Variants in DNAJC5G observed in about 807,000 individuals in gnomAD.
DNAJC5G encodes DnaJ heat shock protein family (Hsp40) member C5 gamma.
In DNAJC5G, 13 loss-of-function variants were observed where a neutral mutation model predicts 19.1. The ratio of observed to expected loss-of-function variants is 0.68; its 90% CI spans 0.44 to 1.08. DNAJC5G has a LOEUF of 1.08. Ranked by LOEUF, DNAJC5G falls within the 50% of genes least tolerant of loss-of-function variation. DNAJC5G has a pLI of 0.00. For missense variants in DNAJC5G, 245 were observed against 230.4 expected (o/e 1.06, Z -0.41); for synonymous variants, 81 against 84.4 (o/e 0.96, Z 0.22).
rs1572510936 is a variant in DNAJC5G at position 27,280,411 on chromosome 2, A to C, written c.*19-18A>C. 1 of 577,220 alleles carries C rather than the reference A, an allele frequency of 1.7e-6. No individual in the cohort carries two copies. The highest frequency in any genetic ancestry group is 3.0e-5 in the East Asian group (1 of 33,044). The allele number at this position is 577,220 out of a possible 1,614,324, so 35.8% of individuals were successfully genotyped here. A position where few individuals can be genotyped will look rare whatever the true frequency, so the allele number is the denominator to read the frequency against. ...TATTCCTTCTGATTAATAAAGCGCC[A>C]CCTTCTTCCGCCACTAGGTGCTGAC... On this transcript the variant is annotated intron_variant, in intron 6 of 6. Coordinates refer to ENST00000296097, the MANE Select transcript of DNAJC5G (RefSeq NM_173650.3).
Position 27,280,709 on chromosome 2 carries a change from G to A in DNAJC5G, c.*299G>A, listed in dbSNP as rs1182832540. 1 of 153,632 alleles carries A rather than the reference G, an allele frequency of 6.5e-6. No individual in the cohort carries two copies. Among genetic ancestry groups the A allele is most frequent in the African/African-American group, 2.4e-5 (1 of 41,372 alleles). The allele number at this position is 153,632 out of a possible 1,614,324, so 9.5% of individuals were successfully genotyped here. The stretch of plus-strand genomic sequence containing the variant: ...AGCCCTCCCCTCCCTCCCCTTATGA[G>A]GTCTCAGGCAGTGGTGGCAGATTTT... On this transcript the variant is annotated 3_prime_UTR_variant, in exon 7 of 7. Coordinates refer to ENST00000296097, the MANE Select transcript of DNAJC5G (RefSeq NM_173650.3).
chr2:27,279,004 C>CAAA (rs1227842823), intron 5 of DNAJC5G, among the ~76,000 whole-genome samples: 8 of 56,820 alleles, frequency 1.4e-4, no homozygotes, highest in Non-Finnish European at 8.2e-5. Flanking sequence ...GACTCCATCT[C>CAAA]AAAAAAAAAA....
Position 27,277,763 on chromosome 2 carries a change from A to T in DNAJC5G, c.123A>T (p.Ala41=), listed in dbSNP as rs762955360. ...AAGTCTCCTTCCCCAGCCATTCCGC[A>T]TTGCTTCCCCACCCTCCTTTTGAGT... is the stretch of plus-strand genomic sequence containing the variant. The part of the protein sequence containing the change: ...EDFKKSYSHS[A]LLPHPPFEYH... The change falls in exon 4 of 7, where the codon GCA becomes GCT. Residue 41 remains alanine, a synonymous_variant. Coordinates refer to ENST00000296097, the MANE Select transcript of DNAJC5G (RefSeq NM_173650.3). The T allele has an allele frequency of 4.1e-5, 66 of 1,613,908 alleles. No individual in the cohort carries two copies. In the South Asian group the frequency reaches 7.0e-4, roughly 17 times the overall value.
Position 27,280,133 on chromosome 2 carries a change from G to A in DNAJC5G, c.521-33G>A, listed in dbSNP as rs373014204. On this transcript the variant is annotated intron_variant, in intron 5 of 6. Coordinates refer to ENST00000296097, the MANE Select transcript of DNAJC5G (RefSeq NM_173650.3). ...CACTACGAAAAGTTACTAAACGTTT[G>A]TATATGTAAACATATATATAATTCC... is the stretch of plus-strand genomic sequence containing the variant. 4.7e-4 allele frequency: 751 copies of A among 1,595,776 alleles called. 3 individuals carry two copies. The Middle Eastern group carries it at 6.4e-3, about 14-fold the overall frequency.
intron 3 of DNAJC5G, 30 bp from the exon 4 acceptor site, chr2:27,277,724 A>AT (rs1558575479): frequency 6.2e-7 from 1 of 1,612,900 alleles, no homozygotes; most frequent in East Asian, 2.2e-5. Flanking sequence ...AGACTAATCC[A>AT]TGTCATTCAT....
chr2:27,275,866 A>ACCCCCCCCCCCCCCCCCC (rs1572502161), intron 1 of DNAJC5G: 1 of 93,184 alleles, frequency 1.1e-5, no homozygotes, highest in Non-Finnish European at 2.3e-5. Context: ...AGCACTCCCC[A>ACCCCCCCCCCCCCCCCCC]CCCCCGCCCC....
At chr2:27,278,641 G>A (rs1183857747) in intron 5 of DNAJC5G, among the ~76,000 whole-genome samples, 5 of 132,034 alleles carry the variant, frequency 3.8e-5, no homozygotes, top group African/African-American at 5.9e-5. Context: ...CTGAGATCGC[G>A]CCACTGCACT....
At chr2:27,278,087 C>G in intron 4 of DNAJC5G, 72 bp downstream of exon 4, 2 of 1,607,204 alleles carry the variant, frequency 1.2e-6, no homozygotes, top group South Asian at 2.2e-5. Flanking sequence ...ACAAATGCTT[C>G]TGTTGTCTCA....
At chr2:27,280,123 C>G (rs1678302927) in intron 5 of DNAJC5G, 43 bp from the exon 6 acceptor site, 1 of 1,591,190 alleles carries the variant, frequency 6.3e-7, no homozygotes, top group Non-Finnish European at 8.6e-7. Flanking sequence ...CGAAAAGTTA[C>G]TAAACGTTTG....
chr2:27,281,146 T>C lies in DNAJC5G; in HGVS notation c.*736T>C, dbSNP rs1301244720. On this transcript the variant is annotated 3_prime_UTR_variant, in exon 7 of 7. Transcript: ENST00000296097. ...CTTGGTCCTGTAGGTTAACTGAAGT[T>C]CAAACATCAGTGCCAGCTTGCCTCC... The C allele has an allele frequency of 6.6e-6, 1 of 152,346 alleles. No homozygotes were observed. The highest frequency in any genetic ancestry group is 1.5e-5 in the Non-Finnish European group (1 of 68,042). 9.4% of individuals were successfully genotyped at this position (152,346 alleles called of 1,614,324 possible).
chr2:27,277,387 C>T (rs895974702), intron 3 of DNAJC5G, among the ~76,000 whole-genome samples: 4 of 151,900 alleles, frequency 2.6e-5, no homozygotes, highest in Non-Finnish European at 5.9e-5. Context: ...CTCAGCCTCC[C>T]GAGTAGCTGG....
In DNAJC5G at chr2:27,280,606, T is replaced by C. The variant is rs1346774240; in HGVS notation, c.*196T>C. 1 of 173,850 alleles carries C rather than the reference T, an allele frequency of 5.8e-6. No homozygotes were observed. Among genetic ancestry groups the C allele is most frequent in the Non-Finnish European group, 1.3e-5 (1 of 79,638 alleles). The allele number at this position is 173,850 out of a possible 1,614,324, so 10.8% of individuals were successfully genotyped here. On this transcript the variant is annotated 3_prime_UTR_variant, in exon 7 of 7. Coordinates refer to ENST00000296097, the MANE Select transcript of DNAJC5G (RefSeq NM_173650.3). ...CCAGTAAGGACATCACCTCTACCCTTGGTACCACAACTCTGTATGGGGTTG... is the reference window on the plus strand; with the variant it reads ...CCAGTAAGGACATCACCTCTACCCTCGGTACCACAACTCTGTATGGGGTTG...
chr2:27,280,466 C>G lies in DNAJC5G; in HGVS notation c.*56C>G. The G allele has an allele frequency of 2.2e-6, 1 of 448,096 alleles. No individual in the cohort carries two copies. Among genetic ancestry groups the G allele is most frequent in the East Asian group, 3.8e-5 (1 of 26,566 alleles). The allele number at this position is 448,096 out of a possible 1,614,324, so 27.8% of individuals were successfully genotyped here. A position where few individuals can be genotyped will look rare whatever the true frequency, so the allele number is the denominator to read the frequency against. The stretch of plus-strand genomic sequence containing the variant: ...TGAGGGTGCCTTCTGCTGCCCAGTC[C>G]CCTGGACACATTGAAGAGAGGAGCA... On this transcript the variant is annotated 3_prime_UTR_variant, in exon 7 of 7. Transcript: ENST00000296097.
chr2:27,277,607 A>G, intron 3 of DNAJC5G, 147 bp from the exon 4 acceptor site: 4 of 1,101,562 alleles, frequency 3.6e-6, no homozygotes, highest in Non-Finnish European at 5.2e-6. Flanking sequence ...TTTGGGGCCA[A>G]ATGGCACCAT....
rs1032562663 is a variant in DNAJC5G at position 27,280,289 on chromosome 2, C to A, written c.*18+56C>A. ...CAGATAAGAAAAGCATGTAAGCTAACGTCAGATGAGTCATTAGTAGAAAGT... is the reference window on the plus strand; with the variant it reads ...CAGATAAGAAAAGCATGTAAGCTAAAGTCAGATGAGTCATTAGTAGAAAGT... On this transcript the variant is annotated intron_variant, in intron 6 of 6. Transcript: ENST00000296097. 122 of 1,431,214 alleles carry A rather than the reference C, an allele frequency of 8.5e-5. 1 individual carries two copies. In the East Asian group the frequency reaches 2.7e-3, roughly 32 times the overall value. 88.7% of individuals were successfully genotyped at this position (1,431,214 alleles called of 1,614,324 possible).
intron 5 of DNAJC5G, among the ~76,000 whole-genome samples, chr2:27,279,748 CA>C (rs936898268): frequency 0.071 from 4,890 of 68,814 alleles, 208 homozygotes; most frequent in African/African-American, 0.21. Flanking sequence ...CCAGTATCTA[CA>C]AAAAAAAAAA....
intron 5 of DNAJC5G, among the ~76,000 whole-genome samples, chr2:27,279,370 T>C (rs527526969): frequency 6.6e-6 from 1 of 152,112 alleles, no homozygotes; most frequent in East Asian, 1.9e-4. Context: ...AGTGGTGCGA[T>C]CTCAGCTCAT....
Position 27,280,440 on chromosome 2 carries a change from G to T in DNAJC5G, c.*30G>T. ...TCTTCCGCCACTAGGTGCTGACCCA[G>T]TGAGGGTGCCTTCTGCTGCCCAGTC... is the stretch of plus-strand genomic sequence containing the variant. On this transcript the variant is annotated 3_prime_UTR_variant, in exon 7 of 7. Transcript: ENST00000296097. 1.9e-6 allele frequency: 1 copy of T among 516,566 alleles called. No individual in the cohort carries two copies. The highest frequency in any genetic ancestry group is 3.5e-6 in the Non-Finnish European group (1 of 286,136). The allele number at this position is 516,566 out of a possible 1,614,324, so 32.0% of individuals were successfully genotyped here. A position where few individuals can be genotyped will look rare whatever the true frequency, so the allele number is the denominator to read the frequency against.
chr2:27,280,200 C>T lies in DNAJC5G; in HGVS notation c.555C>T (p.Ser185=), dbSNP rs183476575. ...GTGATTTTAGAAGCGAGGAAAATAG[C>T]GAAGATGATTTTTAAGAGATGAAGA... ...AKCDFRSEEN[S]EDDF Residue 185 remains serine, a synonymous_variant, in exon 6 of 7, where the codon AGC becomes AGT. Transcript: ENST00000296097. The T allele has an allele frequency of 2.9e-5, 46 of 1,613,730 alleles. No individual in the cohort carries two copies. Among genetic ancestry groups the T allele is most frequent in the Admixed American group, 1.2e-4 (7 of 60,002 alleles).
Sources: allele counts gnomAD v4.1 joint callset (sites outside exome capture counted in the v4.1 genomes callset), GRCh38; gene constraint gnomAD v4.1.1; transcripts MANE v1.5; gene names NCBI Gene and HGNC (gene_info 2026-07-23, HGNC 2026-07-21).